Variants in PRPF18 observed in about 807,000 individuals in gnomAD.
PRPF18 encodes pre-mRNA-splicing factor 18.
PRPF18 carries 38 observed loss-of-function variants against 46.5 expected under a neutral mutation model. The ratio of observed to expected loss-of-function variants is 0.82; its 90% CI spans 0.63 to 1.07. The LOEUF (loss-of-function observed/expected upper bound fraction) is 1.07, where lower values mean the gene tolerates loss of function less well. Among genes scored for constraint, PRPF18 ranks in the 50% least tolerant of loss-of-function variants. The pLI, the probability that PRPF18 is intolerant of heterozygous loss-of-function variation, is 0.00. For synonymous variants in PRPF18, 152 were observed against 146.7 expected, an observed-to-expected ratio of 1.04 and a Z score of -0.26; for missense variants, 263 against 410.0, an observed-to-expected ratio of 0.64 and a Z score of 3.10.
chr10:13,606,686 G>A (rs562329184), intron 4 of PRPF18, among the ~76,000 whole-genome samples: 5 of 132,858 alleles, frequency 3.8e-5, no homozygotes, highest in African/African-American at 1.4e-4. Flanking sequence ...AGTGAGCTGA[G>A]ATTGTGCCAC....
downstream of PRPF18, chr10:13,631,487 A>C (rs974012604): frequency 1.3e-5 from 2 of 152,232 alleles, no homozygotes; most frequent in African/African-American, 4.8e-5. Context: ...CTTAAATGGT[A>C]GTTGGTAATA....
intron 1 of PRPF18, among the ~76,000 whole-genome samples, chr10:13,588,106 T>A (rs569350068): frequency 3.6e-4 from 55 of 152,290 alleles, no homozygotes; most frequent in African/African-American, 1.3e-3. Context: ...ACGAAGGGTT[T>A]GTGCCCAACT....
the PRPF18 span, chr10:13,646,409 C>G: frequency 1.3e-5 from 2 of 152,718 alleles, no homozygotes; most frequent in South Asian, 4.1e-4. Context: ...TTCTCAACCT[C>G]CCCTTCCCCC....
the PRPF18 span, chr10:13,646,973 C>T: frequency 1.0e-6 from 1 of 984,540 alleles, no homozygotes; most frequent in African/African-American, 1.7e-5. Flanking sequence ...CTGCCCGTAC[C>T]ACTGGACATC....
At position 13,630,518 on chromosome 10, in the gene PRPF18, T is replaced by C; in HGVS notation, c.*178T>C. 2.5e-6 allele frequency: 1 copy of C among 405,060 alleles called. No individual in the cohort carries two copies. The highest frequency in any genetic ancestry group is 4.4e-5 in the Admixed American group (1 of 22,918). The allele number at this position is 405,060 out of a possible 1,614,324, so 25.1% of individuals were successfully genotyped here. A position where few individuals can be genotyped will look rare whatever the true frequency, so the allele number is the denominator to read the frequency against. ...TGTTGGCCTTCATTTCATATCTGAC[T>C]GCAAGCTGATTTTTCTTTCTTGCTT... On this transcript the variant is annotated 3_prime_UTR_variant, in exon 10 of 10. Coordinates refer to ENST00000378572, the MANE Select transcript of PRPF18 (RefSeq NM_003675.4).
chr10:13,589,428 C>T (rs2079925694), intron 1 of PRPF18, among the ~76,000 whole-genome samples: 1 of 152,094 alleles, frequency 6.6e-6, no homozygotes, highest in South Asian at 2.1e-4. Context: ...AAAGATATGG[C>T]CAAAGATCAA....
At chr10:13,633,153 CAT>C (rs1259522577), downstream of PRPF18, among the ~76,000 whole-genome samples, 2 of 152,100 alleles carry the variant, frequency 1.3e-5, no homozygotes, top group African/African-American at 4.8e-5. Context: ...AGATAATTGA[CAT>C]GTGGAAAGAG....
intron 4 of PRPF18, among the ~76,000 whole-genome samples, chr10:13,608,836 C>T (rs1043796684): frequency 1.3e-5 from 2 of 152,174 alleles, no homozygotes; most frequent in African/African-American, 4.8e-5. Flanking sequence ...GTCTGGATTC[C>T]ATTCCTGGAT....
At chr10:13,649,070 A>G in the PRPF18 span, among the ~76,000 whole-genome samples, 3 of 152,214 alleles carry the variant, frequency 2.0e-5, no homozygotes, top group Non-Finnish European at 4.4e-5. Context: ...ACCTATTAAC[A>G]TCCACAGAAC....
rs768602613 is a variant in PRPF18, at chr10:13,600,262, G to T, written c.163G>T (p.Asp55Tyr). The T allele has an allele frequency of 6.2e-7, 1 of 1,610,016 alleles. No homozygotes were observed. Among genetic ancestry groups the T allele is most frequent in the Non-Finnish European group, 8.5e-7 (1 of 1,178,224 alleles). Reference sequence around the variant, plus strand: ...AATATAGATACAGCCAAAAGAGGAGGACCAGAAACCATTAACTTCATCGAA... The same window carrying T: ...AATATAGATACAGCCAAAAGAGGAGTACCAGAAACCATTAACTTCATCGAA... ...CGYKIQPKEE[D>Y]QKPLTSSNPV... is the part of the protein sequence containing the mutation. Residue 55 changes from aspartate (D) to tyrosine (Y), a missense_variant, in exon 3 of 10, where the codon GAC (aspartate) becomes TAC (tyrosine). Asp to Tyr is a radical substitution (Grantham distance 160, BLOSUM62 -3). This residue lies in a region of PRPF18 where 71 missense variants were observed against 69.2 expected (regional missense o/e 1.03). Coordinates refer to ENST00000378572, the MANE Select transcript of PRPF18 (RefSeq NM_003675.4).
intron 9 of PRPF18, among the ~76,000 whole-genome samples, chr10:13,621,121 A>G (rs1047392869): frequency 7.2e-5 from 11 of 152,218 alleles, no homozygotes; most frequent in Non-Finnish European, 1.3e-4. Flanking sequence ...AAAAGTTCAC[A>G]TCTTGGGCAT....
chr10:13,654,178 C>T, the PRPF18 span: 1 of 577,138 alleles, frequency 1.7e-6, no homozygotes, highest in Non-Finnish European at 3.1e-6. Context: ...CTCCCCACAT[C>T]CCAAGGACCA....
intron 9 of PRPF18, among the ~76,000 whole-genome samples, chr10:13,621,940 A>C (rs2080426040): frequency 6.6e-6 from 1 of 152,220 alleles, no homozygotes; most frequent in Admixed American, 6.5e-5. Context: ...TTATCTGTCC[A>C]TGGAACATTT....
At chr10:13,605,451 G>T (rs748340319) in intron 3 of PRPF18, among the ~76,000 whole-genome samples, 180 bp from the exon 4 acceptor site, 1 of 151,684 alleles carries the variant, frequency 6.6e-6, no homozygotes, top group Admixed American at 6.6e-5. Flanking sequence ...GTGTGGTGGC[G>T]GGCGCCTGTA....
At chr10:13,613,628 C>A in intron 6 of PRPF18, 113 bp from the exon 7 acceptor site, 1 of 1,156,618 alleles carries the variant, frequency 8.6e-7, no homozygotes, top group Non-Finnish European at 1.2e-6. Flanking sequence ...GCATTTTAAT[C>A]AAGACATTTA....
chr10:13,616,405 A>G lies in PRPF18; in HGVS notation c.800A>G (p.Asp267Gly). Reference protein sequence around the residue: ...MLQREYVKANDAYLQMAIGNA... With the variant: ...MLQREYVKANGAYLQMAIGNA... ...CTTACACTTTCCTTTCAGGCAAATG[A>G]TGCTTATCTTCAGATGGCCATTGGA... Residue 267 changes from aspartate to glycine, a missense_variant, in exon 9 of 10, where the codon GAT becomes GGT. Coordinates refer to ENST00000378572, the MANE Select transcript of PRPF18 (RefSeq NM_003675.4). The G allele has an allele frequency of 6.2e-7, 1 of 1,606,856 alleles. No individual in the cohort carries two copies. The highest frequency in any genetic ancestry group is 8.5e-7 in the Non-Finnish European group (1 of 1,175,528).
intron 9 of PRPF18, among the ~76,000 whole-genome samples, chr10:13,618,968 A>G (rs2080386812): frequency 6.6e-6 from 1 of 152,200 alleles, no homozygotes; most frequent in Non-Finnish European, 1.5e-5. Flanking sequence ...GCATTTTTCC[A>G]TGGATCGGGG....
downstream of PRPF18, chr10:13,631,771 C>G (rs1009442330): frequency 3.0e-4 from 45 of 152,378 alleles, no homozygotes; most frequent in African/African-American, 1.1e-3. Context: ...CTTTCAGCCA[C>G]TTCTGCATTG....
At chr10:13,617,965 T>C (rs538959153) in intron 9 of PRPF18, among the ~76,000 whole-genome samples, 13 of 152,206 alleles carry the variant, frequency 8.5e-5, no homozygotes, top group Admixed American at 2.6e-4. Context: ...CAAATCAGGC[T>C]GGACTCATAG....
Sources: allele counts gnomAD v4.1 joint callset (sites outside exome capture counted in the v4.1 genomes callset), GRCh38; gene constraint gnomAD v4.1.1; regional missense constraint gnomAD v4.1.1; transcripts MANE v1.5; gene names NCBI Gene and HGNC (gene_info 2026-07-23, HGNC 2026-07-21).